CDH13: variants seen among roughly 807,000 people sequenced by gnomAD.
The protein encoded by CDH13 is cadherin-13.
CDH13 carries 24 observed loss-of-function variants against 63.8 expected under a neutral mutation model. The observed-to-expected ratio is 0.38, with a 90% CI of 0.27 to 0.53. The LOEUF is 0.53. Ranked by LOEUF, CDH13 falls within the 20% of genes least tolerant of loss-of-function variation. The pLI is 0.85. For synonymous variants in CDH13, 503 were observed against 355.3 expected, an observed-to-expected ratio of 1.42 and a Z score of -4.67; for missense variants, 1,049 against 903.1, an observed-to-expected ratio of 1.16 and a Z score of -2.07.
At chr16:83,348,527 G>T (rs2090886937) in intron 6 of CDH13, among the ~76,000 whole-genome samples, 1 of 152,218 alleles carries the variant, frequency 6.6e-6, no homozygotes, top group Non-Finnish European at 1.5e-5. Context: ...ATGCTCAGAA[G>T]GGCCTGGGGC....
At chr16:83,111,879 G>A (rs1443445103) in intron 3 of CDH13, among the ~76,000 whole-genome samples, 1 of 152,164 alleles carries the variant, frequency 6.6e-6, no homozygotes, top group East Asian at 1.9e-4. Context: ...CCCTGATGAA[G>A]CATTCAGTCT....
At chr16:82,779,939 A>T (rs991227816) in intron 1 of CDH13, among the ~76,000 whole-genome samples, 1 of 152,196 alleles carries the variant, frequency 6.6e-6, no homozygotes, top group African/African-American at 2.4e-5. Context: ...GCACATGTGT[A>T]TCATGTTACT....
At chr16:83,306,866 A>G (rs192324237) in intron 5 of CDH13, among the ~76,000 whole-genome samples, 3 of 152,226 alleles carry the variant, frequency 2.0e-5, no homozygotes, top group Non-Finnish European at 4.4e-5. Flanking sequence ...ACCCAGTCTC[A>G]GGTATACTTA....
chr16:82,840,272 G>A (rs1482219328), intron 1 of CDH13, among the ~76,000 whole-genome samples: 4 of 151,924 alleles, frequency 2.6e-5, no homozygotes, highest in Non-Finnish European at 4.4e-5. Flanking sequence ...AGCTGAGGAG[G>A]GCGATGTCCT....
At chr16:83,213,392 G>T (rs2039394039) in intron 4 of CDH13, among the ~76,000 whole-genome samples, 1 of 152,148 alleles carries the variant, frequency 6.6e-6, no homozygotes, top group African/African-American at 2.4e-5. Context: ...GGTGATGTTT[G>T]TCCCAAGAGG....
At chr16:83,316,461 C>T (rs573305560) in intron 5 of CDH13, among the ~76,000 whole-genome samples, 6 of 152,162 alleles carry the variant, frequency 3.9e-5, no homozygotes, top group East Asian at 1.9e-4. Flanking sequence ...TCAGTGCTAC[C>T]GCTAGAGCTG....
chr16:82,910,877 G>A (rs984105313), intron 2 of CDH13, among the ~76,000 whole-genome samples: 2 of 152,162 alleles, frequency 1.3e-5, no homozygotes, highest in African/African-American at 4.8e-5. Flanking sequence ...AGTGCCACAG[G>A]CTTGCCAGTG....
At chr16:82,881,846 C>T (rs959001288) in intron 2 of CDH13, among the ~76,000 whole-genome samples, 9 of 152,094 alleles carry the variant, frequency 5.9e-5, no homozygotes, top group African/African-American at 1.9e-4. Flanking sequence ...ACCCCCACAC[C>T]CAGGTCTCTT....
rs114907363 is a variant in CDH13 at position 83,703,563 on chromosome 16, A to G, written c.1538+25102A>G. ...TTCCAATTATACAAATCACACGTGG[A>G]GAAGACTTTGAATAAAATGTCTAAG... On this transcript the variant is annotated intron_variant, in intron 10 of 13. Transcript: ENST00000567109. 1.1e-3 allele frequency among the ~76,000 whole-genome samples: 174 copies of G among 152,372 alleles called. 1 individual carries two copies. Among genetic ancestry groups the G allele is most frequent in the African/African-American group, 3.9e-3 (162 of 41,586 alleles).
intron 8 of CDH13, among the ~76,000 whole-genome samples, chr16:83,609,875 C>T (rs368609889): frequency 1.3e-5 from 2 of 152,190 alleles, no homozygotes; most frequent in Non-Finnish European, 2.9e-5. Flanking sequence ...CAGTTACTCC[C>T]CATTGCCCAT....
intron 10 of CDH13, among the ~76,000 whole-genome samples, chr16:83,741,837 T>A (rs1912094245): frequency 6.6e-6 from 1 of 152,016 alleles, no homozygotes; most frequent in Non-Finnish European, 1.5e-5. Flanking sequence ...GGCCACAACA[T>A]CAGATTGTTA....
chr16:83,769,327 T>C (rs1914608842), intron 11 of CDH13, among the ~76,000 whole-genome samples: 1 of 152,116 alleles, frequency 6.6e-6, no homozygotes. Context: ...AGAGATCCTA[T>C]CTAGGGGAAC....
chr16:82,704,283 G>C (rs1445124373), intron 1 of CDH13, among the ~76,000 whole-genome samples: 1 of 152,202 alleles, frequency 6.6e-6, no homozygotes, highest in African/African-American at 2.4e-5. Flanking sequence ...CTGAATTTGA[G>C]TTTGAATTAT....
At chr16:82,627,505 A>G (rs1348927582) in intron 1 of CDH13, among the ~76,000 whole-genome samples, 1 of 152,104 alleles carries the variant, frequency 6.6e-6, no homozygotes, top group Non-Finnish European at 1.5e-5. Context: ...CATTGGAGAA[A>G]GACTCAGTTA....
intron 8 of CDH13, among the ~76,000 whole-genome samples, chr16:83,633,960 A>G (rs1911009343): frequency 6.6e-6 from 1 of 152,216 alleles, no homozygotes; most frequent in Admixed American, 6.5e-5. Context: ...AGAAGTTGCA[A>G]AAATAGTGCC....
At chr16:82,691,049 T>A (rs150868837) in intron 1 of CDH13, among the ~76,000 whole-genome samples, 1 of 152,330 alleles carries the variant, frequency 6.6e-6, no homozygotes, top group Non-Finnish European at 1.5e-5. Context: ...AACACCTAGA[T>A]TTTGGATTCA....
At chr16:82,646,180 G>C (rs1050187903) in intron 1 of CDH13, 2 of 152,220 alleles carry the variant, frequency 1.3e-5, no homozygotes, top group African/African-American at 4.8e-5. Flanking sequence ...TTTTTCTGGT[G>C]CTTTAAACAC....
At chr16:82,705,749 T>A (rs777215604) in intron 1 of CDH13, among the ~76,000 whole-genome samples, 2 of 152,240 alleles carry the variant, frequency 1.3e-5, no homozygotes, top group African/African-American at 2.4e-5. Flanking sequence ...GCTGTGCTTA[T>A]GTCAGCCTTA....
intron 3 of CDH13, among the ~76,000 whole-genome samples, chr16:83,043,459 T>A (rs1449674610): frequency 1.3e-5 from 2 of 151,808 alleles, no homozygotes; most frequent in Admixed American, 1.3e-4. Context: ...TGAAATTAAC[T>A]TTAATAATTT....
Sources: gnomAD v4.1 joint callset for allele counts (sites outside exome capture counted in the v4.1 genomes callset) on GRCh38, gnomAD v4.1.1 for gene constraint, MANE v1.5 for transcripts, NCBI Gene and HGNC (gene_info 2026-07-23, HGNC 2026-07-21) for gene names.